Variants in CNTNAP2 observed in about 807,000 individuals in gnomAD.
CNTNAP2 encodes the protein contactin-associated protein-like 2.
A neutral mutation model predicts 155.2 loss-of-function variants in CNTNAP2; 98 were observed. That is an observed-to-expected ratio of 0.63 (90% CI 0.54 to 0.75). The LOEUF is 0.75. Among genes scored for constraint, CNTNAP2 ranks in the 30% least tolerant of loss-of-function variants. The pLI, the probability that CNTNAP2 is intolerant of heterozygous loss-of-function variation, is 0.00. For missense variants in CNTNAP2, 1,727 were observed against 1,688.1 expected, an observed-to-expected ratio of 1.02 and a Z score of -0.40; for synonymous variants, 651 against 631.2, an observed-to-expected ratio of 1.03 and a Z score of -0.47.
At chr7:147,365,263 G>A (rs1490739687) in intron 9 of CNTNAP2, among the ~76,000 whole-genome samples, 1 of 151,594 alleles carries the variant, frequency 6.6e-6, no homozygotes, top group Non-Finnish European at 1.5e-5. Flanking sequence ...AATTAGCCAG[G>A]TGTGGTGGCG....
rs559453845 is a variant in CNTNAP2, at chr7:148,021,591, A to G, written c.2383+43602A>G. 7.2e-5 allele frequency among the ~76,000 whole-genome samples: 11 copies of G among 152,306 alleles called. No individual in the cohort carries two copies. In the South Asian group the frequency reaches 1.7e-3, roughly 23 times the overall value. ...CTCGTGTTCATTCAATGGATCAACT[A>G]TCATTGGGCATCTCCACCTGCGAGA... On this transcript the variant is annotated intron_variant, in intron 15 of 23. Transcript: ENST00000361727.
chr7:146,226,501 A>T (rs1799295163), intron 1 of CNTNAP2, among the ~76,000 whole-genome samples: 1 of 152,122 alleles, frequency 6.6e-6, no homozygotes, highest in Non-Finnish European at 1.5e-5. Context: ...TCTACAAAAA[A>T]TACAAAAATT....
intron 9 of CNTNAP2, among the ~76,000 whole-genome samples, chr7:147,346,138 A>C (rs796705497): frequency 2.0e-5 from 1 of 50,792 alleles, no homozygotes; most frequent in Non-Finnish European, 3.4e-5. Context: ...ATTTTATTTT[A>C]TTTTATTTTA....
At chr7:147,478,522 T>C (rs1340024991) in intron 10 of CNTNAP2, among the ~76,000 whole-genome samples, 2 of 152,164 alleles carry the variant, frequency 1.3e-5, no homozygotes, top group African/African-American at 4.8e-5. Flanking sequence ...TTCTCTGTCA[T>C]GAAAACCTTT....
At position 148,413,404 on chromosome 7, in the gene CNTNAP2, ATATATATATATATATATAT is replaced by A. The variant is rs1799895774; in HGVS notation, c.3797-2012_3797-1994del. ...TGAAACTCCGTCTCAAAAAAAAAAT[ATATATATATATATATATAT>A]ATATATATATATATATATATATATT... is the stretch of plus-strand genomic sequence containing the variant. On this transcript the variant is annotated intron_variant, in intron 23 of 23. Transcript: ENST00000361727. Among the ~76,000 whole-genome samples the A allele has an allele frequency of 3.2e-4, 8 of 24,636 alleles. 1 individual carries two copies. Among genetic ancestry groups the A allele is most frequent in the African/African-American group, 6.4e-4 (5 of 7,792 alleles). 16.2% of individuals were successfully genotyped at this position (24,636 alleles called of 152,430 possible). A position where few individuals can be genotyped will look rare whatever the true frequency, so the allele number is the denominator to read the frequency against.
chr7:147,882,488 G>C (rs1799537368), intron 13 of CNTNAP2, among the ~76,000 whole-genome samples: 1 of 152,188 alleles, frequency 6.6e-6, no homozygotes, highest in Non-Finnish European at 1.5e-5. Flanking sequence ...CACAGATAGA[G>C]AACAGAGTTA....
chr7:146,970,330 C>A (rs1369074292), intron 3 of CNTNAP2, among the ~76,000 whole-genome samples: 6 of 151,944 alleles, frequency 3.9e-5, no homozygotes, highest in South Asian at 4.2e-4. Context: ...GGGCTACTAT[C>A]CAGAATCTAC....
intron 4 of CNTNAP2, among the ~76,000 whole-genome samples, chr7:147,097,946 T>G (rs1800577621): frequency 6.6e-6 from 1 of 152,176 alleles, no homozygotes; most frequent in Non-Finnish European, 1.5e-5. Context: ...CAACTGTAAA[T>G]TTTGATCTGA....
intron 1 of CNTNAP2, among the ~76,000 whole-genome samples, chr7:146,301,174 G>A (rs141457258): frequency 2.6e-5 from 4 of 152,226 alleles, no homozygotes; most frequent in Non-Finnish European, 4.4e-5. Context: ...GATAGTTGTG[G>A]TAAATTTTAA....
intron 9 of CNTNAP2, among the ~76,000 whole-genome samples, chr7:147,381,325 C>T (rs1439925949): frequency 6.6e-6 from 1 of 152,112 alleles, no homozygotes; most frequent in Non-Finnish European, 1.5e-5. Flanking sequence ...AGCTTCCAAC[C>T]ACCGGCATTG....
rs186057162 is a variant in CNTNAP2, at chr7:146,341,491, A to C, written c.97+224518A>C. Among the ~76,000 whole-genome samples, 52 of 152,302 alleles carry C rather than the reference A, an allele frequency of 3.4e-4. 1 individual carries two copies. The highest frequency in any genetic ancestry group is 1.3e-3 in the African/African-American group (52 of 41,586). ...GATGCATGCAATGTATCAGCATGTA[A>C]AATGAAGGAAAGATAGAAAAACAGT... is the stretch of plus-strand genomic sequence containing the variant. On this transcript the variant is annotated intron_variant, in intron 1 of 23. Coordinates refer to ENST00000361727, the MANE Select transcript of CNTNAP2 (RefSeq NM_014141.6).
At chr7:146,773,458 C>T (rs1457993142) in intron 1 of CNTNAP2, among the ~76,000 whole-genome samples, 5 of 152,290 alleles carry the variant, frequency 3.3e-5, no homozygotes, top group South Asian at 2.1e-4. Context: ...TGCAGTGGCA[C>T]GATCTTGGCT....
chr7:147,515,318 A>ATTTT (rs1554400626), intron 11 of CNTNAP2, among the ~76,000 whole-genome samples: 1 of 80,112 alleles, frequency 1.2e-5, no homozygotes, highest in Non-Finnish European at 3.2e-5. Context: ...AGTTCATTAT[A>ATTTT]TTCTTTTTTT....
intron 3 of CNTNAP2, among the ~76,000 whole-genome samples, chr7:146,963,768 T>C (rs77425529): frequency 6.6e-6 from 1 of 152,196 alleles, no homozygotes; most frequent in Non-Finnish European, 1.5e-5. Flanking sequence ...TCCCTTGTTA[T>C]CACTAAGCAA....
intron 11 of CNTNAP2, among the ~76,000 whole-genome samples, chr7:147,556,164 A>G (rs1799948998): frequency 6.6e-6 from 1 of 152,166 alleles, no homozygotes; most frequent in Non-Finnish European, 1.5e-5. Flanking sequence ...GTCAGTATGA[A>G]AATTTGACTT....
intron 12 of CNTNAP2, among the ~76,000 whole-genome samples, chr7:147,567,559 G>A (rs1225744705): frequency 6.6e-6 from 1 of 152,164 alleles, no homozygotes; most frequent in African/African-American, 2.4e-5. Flanking sequence ...TAAAGTAAAA[G>A]AGGAGGAGAT....
intron 1 of CNTNAP2, among the ~76,000 whole-genome samples, chr7:146,477,682 G>A (rs898590187): frequency 4.8e-5 from 7 of 144,352 alleles, no homozygotes; most frequent in Non-Finnish European, 7.6e-5. Context: ...CACATCTTCT[G>A]GATTGTATAC....
At chr7:146,806,403 G>A (rs1292779040) in intron 2 of CNTNAP2, among the ~76,000 whole-genome samples, 3 of 151,966 alleles carry the variant, frequency 2.0e-5, no homozygotes, top group African/African-American at 7.3e-5. Context: ...GGCTGAGGCA[G>A]GAGAATCACT....
At chr7:148,057,030 C>G (rs1803026557) in intron 15 of CNTNAP2, among the ~76,000 whole-genome samples, 1 of 152,158 alleles carries the variant, frequency 6.6e-6, no homozygotes, top group Non-Finnish European at 1.5e-5. Flanking sequence ...GAAAGTTGCT[C>G]AACTTTTCTG....
Sources: gnomAD v4.1 joint callset for allele counts (sites outside exome capture counted in the v4.1 genomes callset) on GRCh38, gnomAD v4.1.1 for gene constraint, MANE v1.5 for transcripts, NCBI Gene and HGNC (gene_info 2026-07-23, HGNC 2026-07-21) for gene names.